PCDHGA1: variants seen among roughly 807,000 people sequenced by gnomAD.
The protein encoded by PCDHGA1 is protocadherin gamma subfamily A, 1, also known as protocadherin gamma-A1.
A neutral mutation model predicts 58.0 loss-of-function variants in PCDHGA1; 32 were observed. The observed-to-expected ratio is 0.55, with a 90% CI of 0.42 to 0.74. PCDHGA1 has a LOEUF of 0.74. Ranked by LOEUF, PCDHGA1 falls within the 30% of genes least tolerant of loss-of-function variation. PCDHGA1 has a pLI of 0.00. For missense variants in PCDHGA1, 1,205 were observed against 1,182.3 expected (o/e 1.02, Z -0.28); for synonymous variants, 498 against 501.1 (o/e 0.99, Z 0.08).
chr5:141,482,588 C>T (rs559327092), intron 1 of PCDHGA1, among the ~76,000 whole-genome samples: 3 of 147,192 alleles, frequency 2.0e-5, no homozygotes, highest in Admixed American at 6.8e-5. Context: ...GCAGTGGGAC[C>T]AAACGGGAAA....
chr5:141,394,004 A>G (rs1220367944), intron 1 of PCDHGA1: 6 of 1,613,378 alleles, frequency 3.7e-6, no homozygotes, highest in Non-Finnish European at 4.2e-6. Context: ...TAGAAAAGTC[A>G]ATAGGTAATT....
At chr5:141,356,543 A>G (rs1760251301) in intron 1 of PCDHGA1, 2 of 1,614,090 alleles carry the variant, frequency 1.2e-6, no homozygotes, top group Non-Finnish European at 1.7e-6. Context: ...ATCAATGACA[A>G]CCCACCCACT....
In PCDHGA1 at chr5:141,386,024, TG is replaced by T. The variant is rs758923656; in HGVS notation, c.2421+52920del. The T allele has an allele frequency of 2.6e-5, 4 of 152,242 alleles. No homozygotes were observed. The East Asian group carries it at 5.8e-4, about 22-fold the overall frequency. 9.4% of individuals were successfully genotyped at this position (152,242 alleles called of 1,614,324 possible). On this transcript the variant is annotated intron_variant, in intron 1 of 3. Transcript: ENST00000517417. ...CATTTTAAGTGTTGTAATTGGCATTTGTGACATAGGCAATTACATGTTTTAA... is the reference window on the plus strand; with the variant it reads ...CATTTTAAGTGTTGTAATTGGCATTTTGACATAGGCAATTACATGTTTTAA...
rs548002755 is a variant in PCDHGA1, at chr5:141,409,062, G to A, written c.2421+75957G>A. On this transcript the variant is annotated intron_variant, in intron 1 of 3. Coordinates refer to ENST00000517417, the MANE Select transcript of PCDHGA1 (RefSeq NM_018912.3). ...TACTACTTCCGAAGCACTGCCCAGAGCACAAAACATATGTTCTCATTGGAT... is the reference window on the plus strand; with the variant it reads ...TACTACTTCCGAAGCACTGCCCAGAACACAAAACATATGTTCTCATTGGAT... The A allele has an allele frequency of 3.1e-6, 5 of 1,614,000 alleles. No homozygotes were observed. The South Asian group carries it at 4.4e-5, about 14-fold the overall frequency.
chr5:141,356,212 C>G, intron 1 of PCDHGA1: 1 of 1,604,368 alleles, frequency 6.2e-7, no homozygotes. Flanking sequence ...GGTGACAGTT[C>G]TGGATGAAAA....
At chr5:141,423,084 G>C (rs1427825232) in intron 1 of PCDHGA1, 2 of 1,613,942 alleles carry the variant, frequency 1.2e-6, no homozygotes, top group Non-Finnish European at 1.7e-6. Flanking sequence ...GACTCTTCGC[G>C]GTGGGGGAGC....
intron 1 of PCDHGA1, chr5:141,342,439 AT>A (rs1757161568): frequency 6.6e-6 from 1 of 152,152 alleles, no homozygotes. Flanking sequence ...AACTGGCATC[AT>A]TTTTTATTTT....
chr5:141,446,622 G>A (rs1338969669), intron 1 of PCDHGA1, among the ~76,000 whole-genome samples: 13 of 152,044 alleles, frequency 8.6e-5, no homozygotes, highest in East Asian at 1.9e-4. Flanking sequence ...GACTACAGGC[G>A]TGCACCACCA....
intron 1 of PCDHGA1, among the ~76,000 whole-genome samples, chr5:141,437,842 A>G (rs1372385076): frequency 2.0e-5 from 3 of 150,650 alleles, no homozygotes; most frequent in East Asian, 3.9e-4. Context: ...GGTTCATGCT[A>G]TTCTCCTGCC....
At chr5:141,352,297 C>A in intron 1 of PCDHGA1, 1 of 1,614,070 alleles carries the variant, frequency 6.2e-7, no homozygotes, top group Non-Finnish European at 8.5e-7. Context: ...AGCCCTCTGA[C>A]CCCCAGACGG....
At chr5:141,444,876 G>A (rs921183358) in intron 1 of PCDHGA1, among the ~76,000 whole-genome samples, 1 of 152,186 alleles carries the variant, frequency 6.6e-6, no homozygotes, top group African/African-American at 2.4e-5. Flanking sequence ...GACAAAGCTT[G>A]TAGGATTTTT....
chr5:141,331,656 T>C lies in PCDHGA1; in HGVS notation c.972T>C (p.Gly324=), dbSNP rs1453399929. The change falls in exon 1 of 4, where the codon GGT becomes GGC. Residue 324 remains glycine, a synonymous_variant. Transcript: ENST00000517417. The part of the protein sequence containing the change: ...MYSMEVQAQD[G]AGLMAKVKVL... The stretch of plus-strand genomic sequence containing the variant: ...CAATGGAAGTTCAAGCCCAGGATGG[T>C]GCGGGGCTCATGGCTAAAGTTAAGG... 6.2e-7 allele frequency: 1 copy of C among 1,613,980 alleles called. No homozygotes were observed. The highest frequency in any genetic ancestry group is 8.5e-7 in the Non-Finnish European group (1 of 1,180,038).
intron 1 of PCDHGA1, chr5:141,344,684 T>G (rs1757455170): frequency 2.5e-6 from 4 of 1,613,988 alleles, no homozygotes; most frequent in Non-Finnish European, 3.4e-6. Context: ...CCTCTGATGG[T>G]GGCGACCCTG....
chr5:141,373,139 A>G (rs886915700), intron 1 of PCDHGA1, among the ~76,000 whole-genome samples: 1 of 152,238 alleles, frequency 6.6e-6, no homozygotes, highest in Non-Finnish European at 1.5e-5. Flanking sequence ...CCTCACAATT[A>G]AGTGGTTTAC....
chr5:141,500,176 A>ATTTT (rs1468241826), intron 2 of PCDHGA1, among the ~76,000 whole-genome samples: 91 of 145,916 alleles, frequency 6.2e-4, no homozygotes, highest in African/African-American at 2.3e-3. Context: ...CATGAGCTTC[A>ATTTT]TTTTTATTTT....
At chr5:141,418,021 A>G (rs748774040) in intron 1 of PCDHGA1, 11 of 1,613,978 alleles carry the variant, frequency 6.8e-6, no homozygotes, top group African/African-American at 1.3e-5. Context: ...CTAAGGATCT[A>G]GGGCTTAGTG....
chr5:141,375,671 C>T (rs781705381), intron 1 of PCDHGA1: 14 of 1,614,148 alleles, frequency 8.7e-6, no homozygotes, highest in South Asian at 7.7e-5. Context: ...AGACCTACAG[C>T]TGTGGGTGAC....
At position 141,340,724 on chromosome 5, in the gene PCDHGA1, G is replaced by A. The variant is rs1242546924; in HGVS notation, c.2421+7619G>A. ...GCTGGCGCCCCGCTCCGCAGAGCCC[G>A]GCTACCTGGTGACCAAGGTGGTGGC... is the stretch of plus-strand genomic sequence containing the variant. On this transcript the variant is annotated intron_variant, in intron 1 of 3. Transcript: ENST00000517417. The A allele has an allele frequency of 3.7e-6, 6 of 1,613,958 alleles. No individual in the cohort carries two copies. The African/African-American group carries it at 4.0e-5, about 11-fold the overall frequency.
chr5:141,494,759 C>A (rs776923097), intron 1 of PCDHGA1, 48 bp from the exon 2 acceptor site: 3 of 1,613,886 alleles, frequency 1.9e-6, no homozygotes, highest in Non-Finnish European at 2.5e-6. Context: ...GGGTGACATT[C>A]TAACTTCTCA....
Sources: gnomAD v4.1 joint callset for allele counts (sites outside exome capture counted in the v4.1 genomes callset) on GRCh38, gnomAD v4.1.1 for gene constraint, MANE v1.5 for transcripts, NCBI Gene and HGNC (gene_info 2026-07-23, HGNC 2026-07-21) for gene names.